COG6: variants seen among roughly 807,000 people sequenced by gnomAD.
COG6 encodes the protein component of oligomeric golgi complex 6.
In COG6, 74 loss-of-function variants were observed where a neutral mutation model predicts 88.8. That is an observed-to-expected ratio of 0.83 (90% CI 0.69 to 1.01). The LOEUF (loss-of-function observed/expected upper bound fraction) is 1.01. COG6 is among the 50% of genes least tolerant of loss of function. The probability of loss-of-function intolerance (pLI) is 0.00; values close to 1 mark genes in which losing one functional copy is unlikely to be tolerated. For missense variants in COG6, 800 were observed against 797.9 expected, an observed-to-expected ratio of 1.00 and a Z score of -0.03; for synonymous variants, 286 against 278.7, an observed-to-expected ratio of 1.03 and a Z score of -0.26.
At chr13:39,777,150 G>T (rs544404942) in intron 18 of COG6, among the ~76,000 whole-genome samples, 2 of 152,278 alleles carry the variant, frequency 1.3e-5, no homozygotes, top group Non-Finnish European at 2.9e-5. Flanking sequence ...GGTTAAATAT[G>T]ACCCTGCCAC....
rs528297022 is a variant in COG6, at chr13:39,791,270, G to A, written c.*2914G>A. 3 of 151,912 alleles carry A rather than the reference G, an allele frequency of 2.0e-5. No individual in the cohort carries two copies. In the East Asian group the frequency reaches 5.8e-4, roughly 29 times the overall value. The allele number at this position is 151,912 out of a possible 1,614,324, so 9.4% of individuals were successfully genotyped here. ...TTTAAGATTTTAAAAATCTAGAATG[G>A]GTATTATTATATTGTATTGAAGCTC... On this transcript the variant is annotated 3_prime_UTR_variant, in exon 19 of 19. Transcript: ENST00000416691.
intron 17 of COG6, among the ~76,000 whole-genome samples, chr13:39,725,465 A>G (rs967838263): frequency 2.6e-5 from 4 of 151,944 alleles, no homozygotes; most frequent in Admixed American, 1.3e-4. Flanking sequence ...AAATTTTCCA[A>G]CAATTTTTGA....
chr13:39,737,701 A>G (rs1376802591), intron 18 of COG6, among the ~76,000 whole-genome samples: 3 of 151,882 alleles, frequency 2.0e-5, no homozygotes, highest in African/African-American at 7.3e-5. Context: ...CACTGGCTCT[A>G]AGCCCAGCAC....
rs750264415 is a variant in COG6, at chr13:39,751,065, C to T, written c.1946C>T (p.Pro649Leu). 60 of 1,613,500 alleles carry T rather than the reference C, an allele frequency of 3.7e-5. No individual in the cohort carries two copies. Among genetic ancestry groups the T allele is most frequent in the South Asian group, 2.5e-4 (23 of 91,066 alleles). Residue 649 changes from proline to leucine, a missense_variant, in exon 19 of 19, where the codon CCG becomes CTG. Physicochemically the swap from Pro to Leu is moderately conservative, Grantham distance 98. Transcript: ENST00000455146. ...KDPENILHRS[P>L]QQVQTLLS ...CCAGAGAACATTCTTCACCGATCGC[C>T]GCAGCAAGTGCAGACGCTTCTTTCC...
intron 1 of COG6, among the ~76,000 whole-genome samples, chr13:39,656,601 A>G (rs140801611): frequency 3.6e-4 from 55 of 152,254 alleles, no homozygotes; most frequent in Admixed American, 9.8e-4. Flanking sequence ...ACAGTGTAAC[A>G]TAAAGAAGAA....
intron 18 of COG6, among the ~76,000 whole-genome samples, chr13:39,747,909 AG>A (rs1381234289): frequency 6.6e-6 from 1 of 152,208 alleles, no homozygotes; most frequent in Non-Finnish European, 1.5e-5. Context: ...TACATTTACA[AG>A]TTACTCTGAA....
intron 18 of COG6, among the ~76,000 whole-genome samples, chr13:39,778,811 G>A (rs1881545193): frequency 6.6e-6 from 1 of 152,150 alleles, no homozygotes; most frequent in Admixed American, 6.5e-5. Flanking sequence ...CGTTGGTCTG[G>A]TTTTGGTCCT....
chr13:39,732,635 T>C (rs1046078378), intron 18 of COG6, among the ~76,000 whole-genome samples: 1 of 152,168 alleles, frequency 6.6e-6, no homozygotes, highest in African/African-American at 2.4e-5. Context: ...GATTGTCTTA[T>C]AGGCCAGTTG....
chr13:39,735,170 A>T, intron 18 of COG6, among the ~76,000 whole-genome samples: 3 of 146,248 alleles, frequency 2.1e-5, no homozygotes, highest in East Asian at 2.1e-4. Flanking sequence ...TGTGATTTTC[A>T]CTTCCTTCTT....
At position 39,671,251 on chromosome 13, in the gene COG6, T is replaced by C. The variant is rs1216206463; in HGVS notation, c.428+6097T>C. The stretch of plus-strand genomic sequence containing the variant: ...AATAGTATGAGGAAAAATTTAGAAA[T>C]AATCTTTGGTTTAAGTATTTTAAAA... On this transcript the variant is annotated intron_variant, in intron 4 of 18. Coordinates refer to ENST00000455146, the MANE Select transcript of COG6 (RefSeq NM_020751.3). 2.0e-5 allele frequency among the ~76,000 whole-genome samples: 3 copies of C among 152,012 alleles called. No homozygotes were observed. In the East Asian group the frequency reaches 5.8e-4, roughly 29 times the overall value.
At chr13:39,781,167 G>A (rs1593488351) in intron 18 of COG6, among the ~76,000 whole-genome samples, 1 of 152,246 alleles carries the variant, frequency 6.6e-6, no homozygotes. Context: ...GGGCCTGGGG[G>A]TGGGGACAAG....
chr13:39,774,020 G>GC (rs1306235699), intron 18 of COG6, among the ~76,000 whole-genome samples: 2 of 152,040 alleles, frequency 1.3e-5, no homozygotes, highest in Non-Finnish European at 2.9e-5. Flanking sequence ...CTTCGAAACT[G>GC]CCCCACAGTC....
intron 18 of COG6, among the ~76,000 whole-genome samples, chr13:39,740,630 G>A (rs6563746): frequency 0.97 from 147,761 of 152,264 alleles, 71,881 homozygotes; most frequent in East Asian, 1. Flanking sequence ...AAGAATGCTC[G>A]TAGACGTCTG....
chr13:39,773,870 G>GTT (rs2138180076), intron 18 of COG6, among the ~76,000 whole-genome samples: 1 of 75,060 alleles, frequency 1.3e-5, no homozygotes, highest in South Asian at 5.0e-4. Flanking sequence ...TGACATTTTT[G>GTT]CTTTTTTTTT....
At chr13:39,790,851 A>G (rs1429465108) in exon 19 of COG6, 1 of 152,084 alleles carries the variant, frequency 6.6e-6, no homozygotes, top group Non-Finnish European at 1.5e-5. Flanking sequence ...TGTTCTTCAT[A>G]TATATAATGA....
intron 18 of COG6, among the ~76,000 whole-genome samples, chr13:39,758,601 G>A (rs1450565148): frequency 6.6e-6 from 1 of 152,166 alleles, no homozygotes; most frequent in Admixed American, 6.5e-5. Context: ...CTGGTATGAT[G>A]TGGAGAAATT....
chr13:39,766,008 GGTGGCACTCCAGGCTTCCTGATAACT>G (rs1881152888), intron 18 of COG6, among the ~76,000 whole-genome samples: 1 of 152,158 alleles, frequency 6.6e-6, no homozygotes, highest in Admixed American at 6.5e-5. Context: ...CTTACCAGAG[GGTGGCACTCCAGGCTTCCTGATAACT>G]GTGCCAGCCT....
chr13:39,703,984 T>G (rs934176704), intron 13 of COG6, among the ~76,000 whole-genome samples: 2 of 151,998 alleles, frequency 1.3e-5, no homozygotes, highest in Non-Finnish European at 2.9e-5. Context: ...TCCTCCTGCC[T>G]CAGCCTCCCA....
chr13:39,751,954 A>AC lies in COG6; in HGVS notation c.*863dup, dbSNP rs573723334. ...ACTACACATTTTATCTGGTGTTCAA[A>AC]CCAAAGAAACAATGATCTACTCAAA... On this transcript the variant is annotated 3_prime_UTR_variant, in exon 19 of 19. Transcript: ENST00000455146. 112 of 1,224,490 alleles carry AC rather than the reference A, an allele frequency of 9.1e-5. 1 individual carries two copies. Among genetic ancestry groups the AC allele is most frequent in the Non-Finnish European group, 1.2e-4 (112 of 931,772 alleles). The allele number at this position is 1,224,490 out of a possible 1,614,324, so 75.9% of individuals were successfully genotyped here.
Sources: gnomAD v4.1 joint callset for allele counts (sites outside exome capture counted in the v4.1 genomes callset) on GRCh38, gnomAD v4.1.1 for gene constraint, MANE v1.5 for transcripts, NCBI Gene and HGNC (gene_info 2026-07-23, HGNC 2026-07-21) for gene names.